Variants in TRIO observed in about 807,000 individuals in gnomAD.
The protein encoded by TRIO is triple functional domain protein.
Under a neutral mutation model 351.9 loss-of-function variants are expected in TRIO, and 58 were observed. The observed-to-expected ratio is 0.16, with a 90% CI of 0.13 to 0.21. The LOEUF (loss-of-function observed/expected upper bound fraction) is 0.21, where lower values mean the gene tolerates loss of function less well. Among genes scored for constraint, TRIO ranks in the 10% least tolerant of loss-of-function variants. The pLI, the probability that TRIO is intolerant of heterozygous loss-of-function variation, is 1.00. For synonymous variants in TRIO, 1,758 were observed against 1,595.7 expected (o/e 1.10, Z -2.42); for missense variants, 3,201 against 4,027.8 (o/e 0.79, Z 5.56).
intron 1 of TRIO, among the ~76,000 whole-genome samples, chr5:14,222,966 A>C (rs555362685): frequency 9.2e-5 from 14 of 152,234 alleles, no homozygotes; most frequent in Non-Finnish European, 1.5e-5. Context: ...CCGGATCAAA[A>C]ATAAATAGGA....
chr5:14,319,805 G>A (rs946675073), intron 9 of TRIO, among the ~76,000 whole-genome samples: 8 of 152,216 alleles, frequency 5.3e-5, no homozygotes, highest in Admixed American at 3.9e-4. Flanking sequence ...GGAACTGAAT[G>A]GGGAAGGATG....
chr5:14,373,154 A>T (rs545187510), intron 18 of TRIO, among the ~76,000 whole-genome samples: 7 of 151,970 alleles, frequency 4.6e-5, no homozygotes, highest in African/African-American at 1.5e-4. Flanking sequence ...TGATTCAGTC[A>T]CCTCCCACGA....
chr5:14,184,271 C>T (rs546102733), intron 1 of TRIO, among the ~76,000 whole-genome samples: 15 of 152,252 alleles, frequency 9.9e-5, no homozygotes, highest in African/African-American at 3.4e-4. Context: ...GAGCACTGTG[C>T]GCTGTTTGTG....
chr5:14,267,765 GT>G (rs150627840), intron 1 of TRIO, among the ~76,000 whole-genome samples: 30 of 148,778 alleles, frequency 2.0e-4, no homozygotes, highest in Non-Finnish European at 3.1e-4. Context: ...TTGCTTATTG[GT>G]TTTTTTTTTA....
At chr5:14,152,717 C>T (rs1458612201) in intron 1 of TRIO, among the ~76,000 whole-genome samples, 1 of 152,194 alleles carries the variant, frequency 6.6e-6, no homozygotes, top group Non-Finnish European at 1.5e-5. Flanking sequence ...TTTTGTTGCA[C>T]TTACCCTAAT....
At chr5:14,303,415 G>A (rs1402632401) in intron 7 of TRIO, among the ~76,000 whole-genome samples, 1 of 148,630 alleles carries the variant, frequency 6.7e-6, no homozygotes, top group Admixed American at 6.6e-5. Flanking sequence ...TGATCCTGGA[G>A]ATGGAGGGTG....
intron 15 of TRIO, 151 bp from the exon 16 acceptor site, chr5:14,366,709 T>A: frequency 1.8e-6 from 2 of 1,112,284 alleles, no homozygotes; most frequent in African/African-American, 1.6e-5. Context: ...AACATCAGGC[T>A]GTTGCCTGGA....
At chr5:14,367,033 A>T in intron 16 of TRIO, 54 bp downstream of exon 16, 1 of 1,606,122 alleles carries the variant, frequency 6.2e-7, no homozygotes, top group Non-Finnish European at 8.5e-7. Context: ...CAGGACAAAC[A>T]TCCTGAATCC....
At chr5:14,436,955 G>T (rs1310875797) in intron 34 of TRIO, among the ~76,000 whole-genome samples, 1 of 152,232 alleles carries the variant, frequency 6.6e-6, no homozygotes, top group Non-Finnish European at 1.5e-5. Flanking sequence ...TGCGGGTCTG[G>T]AGGGTGGTGG....
chr5:14,264,853 C>A (rs541683337), intron 1 of TRIO, among the ~76,000 whole-genome samples: 1 of 152,296 alleles, frequency 6.6e-6, no homozygotes, highest in East Asian at 1.9e-4. Context: ...CGGTGCCTGC[C>A]AAACTGATGC....
At chr5:14,327,829 A>G (rs1316864474) in intron 9 of TRIO, among the ~76,000 whole-genome samples, 1 of 152,242 alleles carries the variant, frequency 6.6e-6, no homozygotes, top group African/African-American at 2.4e-5. Flanking sequence ...ATTCCATTAA[A>G]TGTATCCATT....
Position 14,297,203 on chromosome 5 carries a change from C to T in TRIO, c.1308C>T (p.Ala436=), listed in dbSNP as rs1737440140. ...AGGAGTGGAAGGCGTTTGCGGCAGC[C>T]CTGGATGAGCGGAGCACCTTGCTGG... is the stretch of plus-strand genomic sequence containing the variant. The part of the protein sequence containing the change: ...LEQEWKAFAA[A]LDERSTLLDM... The change falls in exon 7 of 57, where the codon GCC becomes GCT. Residue 436 remains alanine, a synonymous_variant. Transcript: ENST00000344204. 3 of 1,614,050 alleles carry T rather than the reference C, an allele frequency of 1.9e-6. No individual in the cohort carries two copies. Among genetic ancestry groups the T allele is most frequent in the East Asian group, 2.2e-5 (1 of 44,872 alleles).
intron 26 of TRIO, among the ~76,000 whole-genome samples, chr5:14,390,651 G>C (rs1746991154): frequency 6.6e-6 from 1 of 152,172 alleles, no homozygotes; most frequent in Admixed American, 6.5e-5. Flanking sequence ...CCCACAGCCA[G>C]CTCTGCACGC....
intron 9 of TRIO, among the ~76,000 whole-genome samples, chr5:14,318,687 G>A (rs921241602): frequency 6.6e-6 from 1 of 152,334 alleles, no homozygotes; most frequent in Admixed American, 6.5e-5. Flanking sequence ...GTGGTGAAGA[G>A]GGATTGAGAG....
Position 14,498,654 on chromosome 5 carries a change from A to G in TRIO, c.8332+14A>G, listed in dbSNP as rs1380610433. The G allele has an allele frequency of 6.2e-7, 1 of 1,610,274 alleles. No individual in the cohort carries two copies. The highest frequency in any genetic ancestry group is 1.1e-5 in the South Asian group (1 of 91,034). On this transcript the variant is annotated intron_variant, in intron 53 of 56. Transcript: ENST00000344204. ...TGAGGGTCCTAGGTAAGCACCGTGC[A>G]ACGAGGATTCTACGTGACCCAGTGG...
Position 14,507,957 on chromosome 5 carries a change from C to T in TRIO, c.8829C>T (p.Leu2943=). 6.2e-7 allele frequency: 1 copy of T among 1,614,210 alleles called. No individual in the cohort carries two copies. The highest frequency in any genetic ancestry group is 8.5e-7 in the Non-Finnish European group (1 of 1,180,046). ...KLADFGDAVQ[L]NTTYYIHQLL... is the part of the protein sequence containing the mutation. ...CTGACTTTGGAGATGCTGTTCAGCT[C>T]AACACGACCTACTACATCCACCAGT... is the stretch of plus-strand genomic sequence containing the variant. Residue 2943 remains leucine, a synonymous_variant, in exon 57 of 57, where the codon CTC becomes CTT. Coordinates refer to ENST00000344204, the MANE Select transcript of TRIO (RefSeq NM_007118.4).
chr5:14,500,862 C>G lies in TRIO; in HGVS notation c.8333-1717C>G, dbSNP rs551045920. Among the ~76,000 whole-genome samples the G allele has an allele frequency of 7.9e-5, 11 of 139,926 alleles. No homozygotes were observed. In the South Asian group the frequency reaches 2.5e-3, roughly 32 times the overall value. 91.8% of individuals were successfully genotyped at this position (139,926 alleles called of 152,430 possible). A position where few individuals can be genotyped will look rare whatever the true frequency, so the allele number is the denominator to read the frequency against. ...CGAGATTGCACCACTGCGCTCCATC[C>G]TGGGTGACAGAGCAAGACTCTGCCT... is the stretch of plus-strand genomic sequence containing the variant. On this transcript the variant is annotated intron_variant, in intron 53 of 56. Transcript: ENST00000344204.
At position 14,481,245 on chromosome 5, in the gene TRIO, G is replaced by A; in HGVS notation, c.6348G>A (p.Lys2116=). The A allele has an allele frequency of 4.3e-6, 7 of 1,613,854 alleles. No individual in the cohort carries two copies. The African/African-American group carries it at 6.7e-5, about 15-fold the overall frequency. ...CATTTCCCTTGCAGGACTTCCTCAA[G>A]TATTCCAAAAAGGCCAGCCTGGATA... The part of the protein sequence containing the change: ...KYQLLLKDFL[K]YSKKASLDTS... Residue 2116 remains lysine (K), a synonymous_variant, in exon 44 of 57, where the codon AAG becomes AAA. Transcript: ENST00000344204.
intron 8 of TRIO, 137 bp downstream of exon 8, chr5:14,304,729 T>A: frequency 9.6e-7 from 1 of 1,039,732 alleles, no homozygotes; most frequent in Non-Finnish European, 1.4e-6. Context: ...TTTAATTGTT[T>A]AGCATTTGAA....
Sources: gnomAD v4.1 joint callset for allele counts (sites outside exome capture counted in the v4.1 genomes callset) on GRCh38, gnomAD v4.1.1 for gene constraint, MANE v1.5 for transcripts, NCBI Gene and HGNC (gene_info 2026-07-23, HGNC 2026-07-21) for gene names.